Variants in PUM2 observed in about 807,000 individuals in gnomAD.
PUM2 encodes the protein pumilio homolog 2.
In PUM2, 57 loss-of-function variants were observed where a neutral mutation model predicts 124.5. That is an observed-to-expected ratio of 0.46 (90% CI 0.37 to 0.57). The LOEUF (loss-of-function observed/expected upper bound fraction) is 0.57, where lower values mean the gene tolerates loss of function less well. Among genes scored for constraint, PUM2 ranks in the 20% least tolerant of loss-of-function variants. The probability of loss-of-function intolerance (pLI) is 0.00; values close to 1 mark genes in which losing one functional copy is unlikely to be tolerated. For missense variants in PUM2, 1,065 were observed against 1,290.6 expected (o/e 0.83, Z 2.68); for synonymous variants, 460 against 446.1 (o/e 1.03, Z -0.39).
At chr2:20,277,022 G>A (rs1670426551) in intron 13 of PUM2, among the ~76,000 whole-genome samples, 1 of 152,008 alleles carries the variant, frequency 6.6e-6, no homozygotes, top group Non-Finnish European at 1.5e-5. Context: ...TTCAATCATA[G>A]AGACATCTAA....
At chr2:20,306,323 G>A (rs1349652828) in intron 7 of PUM2, among the ~76,000 whole-genome samples, 1 of 152,136 alleles carries the variant, frequency 6.6e-6, no homozygotes, top group African/African-American at 2.4e-5. Flanking sequence ...AAGTAGATAA[G>A]CTAATTTTGA....
At chr2:20,252,772 A>AT (rs1262116331) in intron 20 of PUM2, among the ~76,000 whole-genome samples, 1 of 152,200 alleles carries the variant, frequency 6.6e-6, no homozygotes, top group African/African-American at 2.4e-5. Flanking sequence ...ACTTAGAAAA[A>AT]TGTATTAGGT....
Position 20,260,417 on chromosome 2 carries a change from C to A in PUM2, c.2275G>T (p.Val759Leu). 1 of 1,611,040 alleles carries A rather than the reference C, an allele frequency of 6.2e-7. No homozygotes were observed. The highest frequency in any genetic ancestry group is 8.5e-7 in the Non-Finnish European group (1 of 1,177,526). Residue 759 changes from valine (V) to leucine (L), a missense_variant, in exon 15 of 21, where the codon GTA (valine) becomes TTA (leucine). Physicochemically the swap from Val to Leu is conservative, Grantham distance 32 (BLOSUM62 1). Transcript: ENST00000361078. The stretch of plus-strand genomic sequence containing the variant: ...GCTGCTTGCAGAATTTCATTAAATA[C>A]CATCTGTCGCTCAGCTGGAGTAGCT... The part of the protein sequence containing the change: ...ERATPAERQM[V>L]FNEILQAAYQ...
intron 7 of PUM2, among the ~76,000 whole-genome samples, chr2:20,305,995 TG>T (rs1462595007): frequency 2.0e-5 from 3 of 151,984 alleles, no homozygotes; most frequent in African/African-American, 7.3e-5. Flanking sequence ...CCGAGGTGGG[TG>T]GATCACTTGA....
At chr2:20,341,279 A>G (rs1228212001) in intron 1 of PUM2, among the ~76,000 whole-genome samples, 1 of 151,730 alleles carries the variant, frequency 6.6e-6, no homozygotes, top group Non-Finnish European at 1.5e-5. Flanking sequence ...TTAACTATAT[A>G]AAGATATTTA....
intron 1 of PUM2, chr2:20,350,325 C>G: frequency 2.6e-6 from 1 of 388,210 alleles, no homozygotes; most frequent in Non-Finnish European, 3.5e-6. Context: ...GGTCGGCGCC[C>G]CACGCCCCCG....
chr2:20,294,472 C>A lies in PUM2; in HGVS notation c.1056G>T (p.Val352=). Residue 352 remains valine (V), a synonymous_variant, in exon 9 of 21, where the codon GTG becomes GTT. Coordinates refer to ENST00000361078, the MANE Select transcript of PUM2 (RefSeq NM_015317.5). ...PPQYYGVPWG[V]YPANLFQQQA... Reference sequence around the variant, plus strand: ...GCTGCTGAAATAAGTTGGCTGGATACACCCCCCATGGAACGCCGTAATACT... The same window carrying A: ...GCTGCTGAAATAAGTTGGCTGGATAAACCCCCCATGGAACGCCGTAATACT... 1 of 1,614,094 alleles carries A rather than the reference C, an allele frequency of 6.2e-7. No individual in the cohort carries two copies. The highest frequency in any genetic ancestry group is 2.2e-5 in the East Asian group (1 of 44,874).
At chr2:20,259,391 T>C (rs1480494120) in intron 15 of PUM2, among the ~76,000 whole-genome samples, 1 of 152,202 alleles carries the variant, frequency 6.6e-6, no homozygotes, top group Non-Finnish European at 1.5e-5. Context: ...TCCAAATCTT[T>C]TCCGTGGCCT....
intron 1 of PUM2, among the ~76,000 whole-genome samples, chr2:20,337,955 T>C (rs929713858): frequency 2.6e-5 from 4 of 152,124 alleles, no homozygotes; most frequent in Non-Finnish European, 4.4e-5. Flanking sequence ...ATCATTACTT[T>C]GCAAATAGGA....
chr2:20,276,079 TTAATA>T (rs1370927887), intron 13 of PUM2, among the ~76,000 whole-genome samples: 2 of 151,994 alleles, frequency 1.3e-5, no homozygotes, highest in Non-Finnish European at 2.9e-5. Context: ...GCATCTAACT[TTAATA>T]TATTAGAATA....
chr2:20,325,442 T>C (rs1683427065), intron 2 of PUM2, among the ~76,000 whole-genome samples: 1 of 152,172 alleles, frequency 6.6e-6, no homozygotes, highest in South Asian at 2.1e-4. Context: ...CCCAAATAAC[T>C]AAACCCTTTC....
intron 13 of PUM2, among the ~76,000 whole-genome samples, chr2:20,277,177 C>T (rs1670458129): frequency 6.6e-6 from 1 of 152,032 alleles, no homozygotes; most frequent in Non-Finnish European, 1.5e-5. Context: ...CAGGACATGA[C>T]AAAATCTTAA....
intron 10 of PUM2, among the ~76,000 whole-genome samples, chr2:20,285,583 CATG>C (rs2148931930): frequency 6.6e-6 from 1 of 152,240 alleles, no homozygotes; most frequent in Non-Finnish European, 1.5e-5. Context: ...TCTGTCACAG[CATG>C]ATATTTTTTC....
chr2:20,296,129 A>G (rs536684982), intron 8 of PUM2, among the ~76,000 whole-genome samples: 1 of 152,336 alleles, frequency 6.6e-6, no homozygotes, highest in East Asian at 1.9e-4. Context: ...GCTTAGTTTC[A>G]TTGTCGTAGC....
intron 1 of PUM2, chr2:20,350,271 G>A (rs62124603): frequency 0.035 from 6,265 of 179,040 alleles, 109 homozygotes; most frequent in Middle Eastern, 0.062. Flanking sequence ...AGGGCCGACA[G>A]CTCGGTCTCT....
In PUM2 at chr2:20,325,027, T is replaced by C. The variant is rs181986513; in HGVS notation, c.51+2283A>G. ...ATTCCAATGAATGAATTCTGGGATATAACAAAAACAAAAAAACCTCACCTG... is the reference window on the plus strand; with the variant it reads ...ATTCCAATGAATGAATTCTGGGATACAACAAAAACAAAAAAACCTCACCTG... On this transcript the variant is annotated intron_variant, in intron 2 of 20. Transcript: ENST00000361078. Among the ~76,000 whole-genome samples, 1,362 of 148,892 alleles carry C rather than the reference T, an allele frequency of 9.1e-3. 8 individuals are homozygous for C. Among genetic ancestry groups the C allele is most frequent in the Non-Finnish European group, 0.014 (936 of 67,516 alleles).
At chr2:20,297,863 A>G (rs1399354168) in intron 7 of PUM2, among the ~76,000 whole-genome samples, 185 bp from the exon 8 acceptor site, 3 of 152,238 alleles carry the variant, frequency 2.0e-5, no homozygotes, top group Non-Finnish European at 4.4e-5. Flanking sequence ...GTTTTCATTT[A>G]AGAAACAGCT....
intron 1 of PUM2, among the ~76,000 whole-genome samples, chr2:20,335,244 T>C (rs1285900289): frequency 6.6e-6 from 1 of 152,216 alleles, no homozygotes; most frequent in Non-Finnish European, 1.5e-5. Flanking sequence ...TTAATGAACA[T>C]AATCATTGAA....
At chr2:20,307,151 G>C (rs62123458) in intron 7 of PUM2, among the ~76,000 whole-genome samples, 5,221 of 152,130 alleles carry the variant, frequency 0.034, 89 homozygotes, top group Middle Eastern at 0.068. Flanking sequence ...AGAAGGCGGA[G>C]GCTGAAGTGA....
Sources: allele counts gnomAD v4.1 joint callset (sites outside exome capture counted in the v4.1 genomes callset), GRCh38; gene constraint gnomAD v4.1.1; transcripts MANE v1.5; gene names NCBI Gene and HGNC (gene_info 2026-07-23, HGNC 2026-07-21).